The following NARS1 variants were observed in gnomAD, a reference collection of about 807,000 sequenced individuals.
NARS1 encodes asparaginyl-tRNA synthetase 1.
NARS1 carries 65 observed loss-of-function variants against 79.2 expected under a neutral mutation model. The observed-to-expected ratio is 0.82, with a 90% CI of 0.67 to 1.01. NARS1 has a LOEUF of 1.01. Among genes scored for constraint, NARS1 ranks in the 50% least tolerant of loss-of-function variants. NARS1 has a pLI of 0.00. For missense variants in NARS1, 649 were observed against 673.8 expected (o/e 0.96, Z 0.41); for synonymous variants, 229 against 238.8 (o/e 0.96, Z 0.38).
At chr18:57,606,900 T>C (rs1279410548) in intron 9 of NARS1, 149 bp from the exon 10 acceptor site, 2 of 1,010,688 alleles carry the variant, frequency 2.0e-6, no homozygotes, top group Non-Finnish European at 2.9e-6. Flanking sequence ...TCCCCTCTTC[T>C]CCACTGAGTA....
intron 12 of NARS1, 110 bp downstream of exon 12, chr18:57,602,702 A>T: frequency 7.4e-7 from 1 of 1,355,694 alleles, no homozygotes; most frequent in Non-Finnish European, 1.0e-6. Flanking sequence ...AAATATTGTT[A>T]TTCTAGATAG....
Position 57,620,631 on chromosome 18 carries a change from G to A in NARS1, c.31C>T (p.Arg11Ter), listed in dbSNP as rs760502120. Reference protein sequence around the residue: MVLAELYVSDREGSDATGDGT... With the variant: MVLAELYVSD ...TCTCCCGTGGCATCGCTTCCCTCTCGGTCAGAGACGTACAGCTCTGCTGTT... is the reference window on the plus strand; with the variant it reads ...TCTCCCGTGGCATCGCTTCCCTCTCAGTCAGAGACGTACAGCTCTGCTGTT... The change falls in exon 2 of 14, where the codon CGA becomes TGA. Residue 11 changes from arginine to a stop codon, truncating the protein, a stop_gained. Coordinates refer to ENST00000256854, the MANE Select transcript of NARS1 (RefSeq NM_004539.4). LOFTEE classifies it high-confidence loss of function. The A allele has an allele frequency of 6.2e-6, 10 of 1,613,236 alleles. No individual in the cohort carries two copies. Among genetic ancestry groups the A allele is most frequent in the South Asian group, 1.1e-5 (1 of 91,012 alleles).
chr18:57,606,884 G>A (rs2051562340), intron 9 of NARS1, 133 bp from the exon 10 acceptor site: 1 of 1,164,040 alleles, frequency 8.6e-7, no homozygotes, highest in African/African-American at 1.5e-5. Context: ...CAAATTAGCT[G>A]TGGACTCCCC....
In NARS1 at chr18:57,607,435, C is replaced by T. The variant is rs1223347004; in HGVS notation, c.801+9G>A. ...TATTCTTTGCAAAAGCTGACGAATG[C>T]ATACTTACTTCATAGTACCCCCTAT... On this transcript the variant is annotated intron_variant, in intron 8 of 13. Transcript: ENST00000256854. 1.9e-6 allele frequency: 3 copies of T among 1,613,096 alleles called. No individual in the cohort carries two copies. The East Asian group carries it at 6.7e-5, about 36-fold the overall frequency.
rs377261949 is a variant in NARS1, at chr18:57,607,533, G to A, written c.712C>T (p.Arg238Ter). ...VQLNNRHMMI[R>*]GENMSKILKA... The stretch of plus-strand genomic sequence containing the variant: ...AGGATTTTGGACATGTTTTCTCCTC[G>A]GATCATCATGTGTCTGTTGTTGAGC... Residue 238 changes from arginine (R) to a stop codon, truncating the protein, a stop_gained, in exon 8 of 14, where the codon CGA becomes TGA. Coordinates refer to ENST00000256854, the MANE Select transcript of NARS1 (RefSeq NM_004539.4). LOFTEE classifies it high-confidence loss of function. 11 of 1,613,906 alleles carry A rather than the reference G, an allele frequency of 6.8e-6. No homozygotes were observed. The highest frequency in any genetic ancestry group is 1.3e-5 in the African/African-American group (1 of 74,860).
In NARS1 at chr18:57,618,470, TTTGTTAACAGTGACATTCTG is replaced by T. The variant is rs1197675254; in HGVS notation, c.93+2079_93+2098del. Among the ~76,000 whole-genome samples, 3 of 152,166 alleles carry T rather than the reference TTTGTTAACAGTGACATTCTG, an allele frequency of 2.0e-5. 1 individual carries two copies. The highest frequency in any genetic ancestry group is 3.8e-4 in the East Asian group (2 of 5,200). On this transcript the variant is annotated intron_variant, in intron 2 of 13. Transcript: ENST00000256854. Reference sequence around the variant, plus strand: ...AGTTCCCAAATCAGAATGCTACACTTTTGTTAACAGTGACATTCTGTTGTTAACAGTGACATTCTGCAAAC... The same window carrying T: ...AGTTCCCAAATCAGAATGCTACACTTTTGTTAACAGTGACATTCTGCAAAC...
intron 2 of NARS1, among the ~76,000 whole-genome samples, chr18:57,616,948 C>CAAAAA (rs59363506): frequency 2.1e-4 from 15 of 72,802 alleles, no homozygotes; most frequent in African/African-American, 7.4e-4. Context: ...GACTCTGTCT[C>CAAAAA]AAAAAAAAAA....
Position 57,621,695 on chromosome 18 carries a change from G to A in NARS1, c.10+13C>T. ...GGCAGGGAACACCGCGCCATACACT[G>A]AGTCTCACCCACCTAGCACCATGCC... is the stretch of plus-strand genomic sequence containing the variant. On this transcript the variant is annotated intron_variant, in intron 1 of 13. Coordinates refer to ENST00000256854, the MANE Select transcript of NARS1 (RefSeq NM_004539.4). 1 of 1,612,212 alleles carries A rather than the reference G, an allele frequency of 6.2e-7. No homozygotes were observed. Among genetic ancestry groups the A allele is most frequent in the Non-Finnish European group, 8.5e-7 (1 of 1,178,578 alleles).
At chr18:57,616,052 A>AG (rs753800172) in intron 2 of NARS1, 77 bp from the exon 3 acceptor site, 9 of 1,295,150 alleles carry the variant, frequency 6.9e-6, no homozygotes, top group Middle Eastern at 3.8e-4. Flanking sequence ...CTCAAGTATA[A>AG]GGCAACTGGA....
intron 6 of NARS1, among the ~76,000 whole-genome samples, chr18:57,610,720 A>G (rs955423316): frequency 6.7e-6 from 1 of 149,872 alleles, no homozygotes; most frequent in African/African-American, 2.4e-5. Flanking sequence ...AGAAATACAT[A>G]GTAATGGGTG....
chr18:57,606,923 T>C, intron 9 of NARS1, 172 bp from the exon 10 acceptor site: 1 of 943,418 alleles, frequency 1.1e-6, no homozygotes, highest in Non-Finnish European at 1.5e-6. Context: ...AATTTCTTGT[T>C]TGCTCCTTTA....
At chr18:57,604,132 C>T (rs2051534132) in intron 11 of NARS1, among the ~76,000 whole-genome samples, 1 of 152,234 alleles carries the variant, frequency 6.6e-6, no homozygotes, top group African/African-American at 2.4e-5. Flanking sequence ...GAGCTAAGCC[C>T]ACCTGGGGGG....
At chr18:57,616,059 TG>T in intron 2 of NARS1, 84 bp from the exon 3 acceptor site, 1 of 1,249,900 alleles carries the variant, frequency 8.0e-7, no homozygotes, top group East Asian at 2.4e-5. Context: ...ATAAGGCAAC[TG>T]GAACAATCTA....
chr18:57,617,886 G>C, intron 2 of NARS1, among the ~76,000 whole-genome samples: 1 of 149,184 alleles, frequency 6.7e-6, no homozygotes, highest in African/African-American at 2.5e-5. Flanking sequence ...CTGCACTCCA[G>C]CCTGGGTGAC....
intron 5 of NARS1, 105 bp downstream of exon 5, chr18:57,613,497 A>G: frequency 1.0e-6 from 1 of 1,002,422 alleles, no homozygotes; most frequent in Non-Finnish European, 1.5e-6. Context: ...TGTCTAAGAA[A>G]AAAAGGGGGA....
chr18:57,613,839 C>T (rs1296607367), intron 4 of NARS1, among the ~76,000 whole-genome samples, 159 bp from the exon 5 acceptor site: 1 of 152,146 alleles, frequency 6.6e-6, no homozygotes, highest in Non-Finnish European at 1.5e-5. Flanking sequence ...ACGCATTTCA[C>T]TGTATTGGCA....
At chr18:57,604,196 G>A (rs1599031259) in intron 11 of NARS1, among the ~76,000 whole-genome samples, 1 of 152,164 alleles carries the variant, frequency 6.6e-6, no homozygotes, top group African/African-American at 2.4e-5. Context: ...ATTTTACTAA[G>A]TATTAGGAAC....
chr18:57,602,627 A>G (rs961908145), intron 12 of NARS1, 141 bp from the exon 13 acceptor site: 3 of 1,225,826 alleles, frequency 2.4e-6, no homozygotes, highest in Non-Finnish European at 3.4e-6. Flanking sequence ...AAATGTTTAC[A>G]TTTCTCTAAT....
intron 5 of NARS1, among the ~76,000 whole-genome samples, chr18:57,612,993 T>A (rs2051616739): frequency 6.6e-6 from 1 of 152,170 alleles, no homozygotes; most frequent in African/African-American, 2.4e-5. Flanking sequence ...ACTGGACGCA[T>A]CTTCATCACT....
Sources: gnomAD v4.1 joint callset for allele counts (sites outside exome capture counted in the v4.1 genomes callset) on GRCh38, gnomAD v4.1.1 for gene constraint, MANE v1.5 for transcripts, NCBI Gene and HGNC (gene_info 2026-07-23, HGNC 2026-07-21) for gene names.